The following SRD5A2 variants were observed in gnomAD, a reference collection of about 807,000 sequenced individuals.
SRD5A2 encodes steroid 5 alpha-reductase 2, also known as 3-oxo-5-alpha-steroid 4-dehydrogenase 2.
In SRD5A2, 30 loss-of-function variants were observed where a neutral mutation model predicts 27.4. That is an observed-to-expected ratio of 1.10 (90% CI 0.82 to 1.49). SRD5A2 has a LOEUF of 1.49. Among genes scored for constraint, SRD5A2 ranks in the 40% most tolerant of loss-of-function variants. The pLI is 0.00. For synonymous variants in SRD5A2, 141 were observed against 133.6 expected, an observed-to-expected ratio of 1.06 and a Z score of -0.38; for missense variants, 348 against 323.4, an observed-to-expected ratio of 1.08 and a Z score of -0.58.
chr2:31,579,236 TA>T (rs995419530), intron 1 of SRD5A2, among the ~76,000 whole-genome samples: 2 of 152,232 alleles, frequency 1.3e-5, no homozygotes, highest in Non-Finnish European at 2.9e-5. Flanking sequence ...GCATAAATAT[TA>T]AATCTTGACC....
chr2:31,564,216 GA>G (rs550788083), intron 1 of SRD5A2, among the ~76,000 whole-genome samples: 5 of 151,942 alleles, frequency 3.3e-5, no homozygotes, highest in Admixed American at 1.3e-4. Flanking sequence ...ATGGAAGAGA[GA>G]AAAAAAGACC....
chr2:31,583,603 C>G (rs1324079108), upstream of SRD5A2, among the ~76,000 whole-genome samples: 2 of 115,200 alleles, frequency 1.7e-5, no homozygotes, highest in African/African-American at 6.7e-5. Flanking sequence ...CTCCTTACAT[C>G]CTCCTTCCAG....
chr2:31,543,774 G>A (rs76715500), intron 1 of SRD5A2, among the ~76,000 whole-genome samples: 5,181 of 152,084 alleles, frequency 0.034, 281 homozygotes, highest in African/African-American at 0.12. Flanking sequence ...ATACAAAAGG[G>A]AACAAGGGAT....
chr2:31,637,119 G>C, the SRD5A2 span, among the ~76,000 whole-genome samples: 1 of 151,972 alleles, frequency 6.6e-6, no homozygotes, highest in Non-Finnish European at 1.5e-5. Flanking sequence ...TCTTTGATGA[G>C]AGATTTTTTA....
intron 1 of SRD5A2, among the ~76,000 whole-genome samples, chr2:31,570,590 C>A (rs1301175127): frequency 6.6e-6 from 1 of 152,172 alleles, no homozygotes; most frequent in East Asian, 1.9e-4. Flanking sequence ...TAAACTATTC[C>A]TGTTTGCAGA....
the SRD5A2 span, among the ~76,000 whole-genome samples, chr2:31,642,720 C>A: frequency 6.6e-6 from 1 of 151,920 alleles, no homozygotes; most frequent in African/African-American, 2.4e-5. Flanking sequence ...CAAGAAAGTA[C>A]ATAGAAACTT....
At chr2:31,634,771 G>A in the SRD5A2 span, among the ~76,000 whole-genome samples, 1 of 151,922 alleles carries the variant, frequency 6.6e-6, no homozygotes, top group Non-Finnish European at 1.5e-5. Flanking sequence ...ACATATAAAT[G>A]AGATCATGCG....
the SRD5A2 span, among the ~76,000 whole-genome samples, chr2:31,603,570 T>C: frequency 6.6e-6 from 1 of 151,976 alleles, no homozygotes; most frequent in Non-Finnish European, 1.5e-5. Context: ...TATAAATCAT[T>C]CTTTTACAAA....
intron 1 of SRD5A2, among the ~76,000 whole-genome samples, chr2:31,579,510 A>G (rs953443334): frequency 2.0e-5 from 3 of 152,186 alleles, no homozygotes; most frequent in Admixed American, 2.0e-4. Flanking sequence ...CTCTTCTTGC[A>G]TAGAATATCT....
the SRD5A2 span, among the ~76,000 whole-genome samples, chr2:31,633,905 C>G: frequency 6.6e-6 from 1 of 152,128 alleles, no homozygotes; most frequent in Non-Finnish European, 1.5e-5. Context: ...AATTAGGAAC[C>G]TGCACATTGT....
rs372906877 is a variant in SRD5A2 at position 31,529,417 on chromosome 2, A to C, written c.588T>G (p.Gly196=). The change falls in exon 4 of 5, where the codon GGT becomes GGG. Residue 196 remains glycine (G), a synonymous_variant. Coordinates refer to ENST00000622030, the MANE Select transcript of SRD5A2 (RefSeq NM_000348.4). ...FTYVSGANFL[G]EIIEWIGYAL... ...CATAGCCGATCCATTCAATGATCTC[A>C]CCGAGGAAATTGGCTCCAGAAACAT... is the stretch of plus-strand genomic sequence containing the variant. 1.4e-5 allele frequency: 23 copies of C among 1,613,750 alleles called. No individual in the cohort carries two copies. In the African/African-American group the frequency reaches 3.1e-4, roughly 22 times the overall value.
the SRD5A2 span, among the ~76,000 whole-genome samples, chr2:31,609,898 C>A: frequency 6.6e-6 from 1 of 151,810 alleles, no homozygotes; most frequent in African/African-American, 2.4e-5. Context: ...AGATAAATAG[C>A]CCAATTTTAA....
At chr2:31,618,212 G>A in the SRD5A2 span, among the ~76,000 whole-genome samples, 1 of 152,056 alleles carries the variant, frequency 6.6e-6, no homozygotes. Flanking sequence ...ACTACCACAA[G>A]AACAGCATGG....
chr2:31,529,715 C>G (rs1002111746), intron 3 of SRD5A2, among the ~76,000 whole-genome samples: 25 of 152,176 alleles, frequency 1.6e-4, no homozygotes, highest in Non-Finnish European at 8.8e-5. Flanking sequence ...AAATCTCTAA[C>G]AACTGCTGGA....
chr2:31,585,440 T>C (rs1362488632), upstream of SRD5A2, among the ~76,000 whole-genome samples: 1 of 152,098 alleles, frequency 6.6e-6, no homozygotes, highest in Non-Finnish European at 1.5e-5. Flanking sequence ...AGGAGGACTC[T>C]GCCTTGCATC....
chr2:31,582,712 C>A (rs1667102653), upstream of SRD5A2, among the ~76,000 whole-genome samples: 1 of 152,118 alleles, frequency 6.6e-6, no homozygotes, highest in Non-Finnish European at 1.5e-5. Flanking sequence ...GACCTCAAAA[C>A]CAGCCCTACC....
At chr2:31,597,726 G>A in the SRD5A2 span, among the ~76,000 whole-genome samples, 2 of 152,252 alleles carry the variant, frequency 1.3e-5, no homozygotes, top group Non-Finnish European at 2.9e-5. Flanking sequence ...AATGATCAGG[G>A]AAATGCAAAT....
chr2:31,611,749 G>A, the SRD5A2 span, among the ~76,000 whole-genome samples: 1 of 152,042 alleles, frequency 6.6e-6, no homozygotes, highest in Non-Finnish European at 1.5e-5. Flanking sequence ...AGAACTGTTT[G>A]GCTATTTTTT....
At chr2:31,540,131 CAT>C (rs528226863) in intron 1 of SRD5A2, among the ~76,000 whole-genome samples, 17 of 151,960 alleles carry the variant, frequency 1.1e-4, no homozygotes, top group Admixed American at 3.3e-4. Flanking sequence ...AAAAATTGTG[CAT>C]ATATAATTTA....
Sources: gnomAD v4.1 joint callset for allele counts (sites outside exome capture counted in the v4.1 genomes callset) on GRCh38, gnomAD v4.1.1 for gene constraint, MANE v1.5 for transcripts, NCBI Gene and HGNC (gene_info 2026-07-23, HGNC 2026-07-21) for gene names.